The following PTK2 variants were observed in gnomAD, a reference collection of about 807,000 sequenced individuals.
PTK2 encodes the protein protein tyrosine kinase 2.
PTK2 carries 45 observed loss-of-function variants against 150.1 expected under a neutral mutation model. That is an observed-to-expected ratio of 0.30 (90% CI 0.24 to 0.38). The LOEUF (loss-of-function observed/expected upper bound fraction) is 0.38. Among genes scored for constraint, PTK2 ranks in the 10% least tolerant of loss-of-function variants. The probability of loss-of-function intolerance (pLI) is 1.00; values close to 1 mark genes in which losing one functional copy is unlikely to be tolerated. For synonymous variants in PTK2, 432 were observed against 449.2 expected, an observed-to-expected ratio of 0.96 and a Z score of 0.48; for missense variants, 919 against 1,307.3, an observed-to-expected ratio of 0.70 and a Z score of 4.58.
chr8:140,866,264 T>A (rs2100139221), intron 4 of PTK2, among the ~76,000 whole-genome samples: 1 of 152,194 alleles, frequency 6.6e-6, no homozygotes, highest in African/African-American at 2.4e-5. Flanking sequence ...TTATTTATTT[T>A]TTTGGTTGGG....
At chr8:140,964,658 C>T (rs1030989284) in intron 1 of PTK2, among the ~76,000 whole-genome samples, 3 of 151,268 alleles carry the variant, frequency 2.0e-5, no homozygotes, top group African/African-American at 7.3e-5. Flanking sequence ...GGCCTCTCTC[C>T]GCCTCCCAAA....
At chr8:140,679,003 GTTTTTTTTTTTTTTTTT>G (rs533089786) in intron 27 of PTK2, among the ~76,000 whole-genome samples, 37 of 69,004 alleles carry the variant, frequency 5.4e-4, no homozygotes, top group South Asian at 2.2e-3. Flanking sequence ...TGCTCCCCAT[GTTTTTTTTTTTTTTTTT>G]TTTTTTTTTT....
intron 8 of PTK2, among the ~76,000 whole-genome samples, chr8:140,828,057 T>C (rs891878803): frequency 1.3e-5 from 2 of 151,754 alleles, no homozygotes; most frequent in Non-Finnish European, 2.9e-5. Flanking sequence ...GTCCCAGCTA[T>C]TTGGGAGACT....
At chr8:140,674,123 C>T in intron 29 of PTK2, 175 bp downstream of exon 32, 1 of 763,830 alleles carries the variant, frequency 1.3e-6, no homozygotes, top group Non-Finnish European at 2.4e-6. Context: ...TTTTCCCTGA[C>T]TCTCAGAGGG....
At chr8:140,992,657 GTGAA>G (rs774043697) in intron 1 of PTK2, among the ~76,000 whole-genome samples, 15 of 152,324 alleles carry the variant, frequency 9.8e-5, no homozygotes, top group Admixed American at 7.2e-4. Flanking sequence ...CGTGAACAGT[GTGAA>G]TGAGTTACCC....
intron 1 of PTK2, among the ~76,000 whole-genome samples, chr8:140,986,727 C>G (rs907513748): frequency 2.6e-5 from 4 of 152,114 alleles, no homozygotes; most frequent in African/African-American, 9.7e-5. Flanking sequence ...ATGAGGGGTC[C>G]AAACAATCTC....
At chr8:140,860,668 T>C (rs1442699967) in intron 5 of PTK2, among the ~76,000 whole-genome samples, 1 of 152,200 alleles carries the variant, frequency 6.6e-6, no homozygotes, top group Non-Finnish European at 1.5e-5. Context: ...AGACGGAGTT[T>C]TGCCATGTTG....
intron 23 of PTK2, among the ~76,000 whole-genome samples, chr8:140,710,253 C>A (rs1451839359): frequency 6.6e-6 from 1 of 151,220 alleles, no homozygotes. Flanking sequence ...TCACTTAAGC[C>A]CAGGAAGTGG....
chr8:140,924,709 T>C (rs2100168818), intron 2 of PTK2, among the ~76,000 whole-genome samples: 1 of 152,198 alleles, frequency 6.6e-6, no homozygotes, highest in South Asian at 2.1e-4. Flanking sequence ...ATGAAAACTT[T>C]GCTTTCTCAA....
At chr8:140,679,304 C>T (rs1220182468) in intron 27 of PTK2, among the ~76,000 whole-genome samples, 3 of 151,904 alleles carry the variant, frequency 2.0e-5, no homozygotes, top group East Asian at 1.9e-4. Context: ...TGATTACAGG[C>T]GTGAGCCACC....
chr8:140,713,067 C>A (rs2100037682), intron 23 of PTK2, among the ~76,000 whole-genome samples: 1 of 152,218 alleles, frequency 6.6e-6, no homozygotes, highest in Non-Finnish European at 1.5e-5. Flanking sequence ...AGCAGCAGGG[C>A]TAACATGCCC....
At chr8:140,908,132 C>T (rs2100161693) in intron 2 of PTK2, among the ~76,000 whole-genome samples, 1 of 152,176 alleles carries the variant, frequency 6.6e-6, no homozygotes, top group South Asian at 2.1e-4. Flanking sequence ...ACTGAACACA[C>T]AAATGATAAG....
chr8:140,958,101 T>C (rs1587368453), intron 1 of PTK2, among the ~76,000 whole-genome samples: 2 of 152,254 alleles, frequency 1.3e-5, no homozygotes, highest in Middle Eastern at 6.8e-3. Flanking sequence ...GATTTACCAA[T>C]ATCTTCTCCC....
chr8:140,987,541 A>G lies in PTK2; in HGVS notation c.-122+13584T>C, dbSNP rs538182491. ...AGATATGCGGATGGCAAATAACCAT[A>G]TAAGAAGATGCTCAACACTATCAGT... On this transcript the variant is annotated intron_variant, in intron 1 of 31. Transcript: ENST00000522684. Among the ~76,000 whole-genome samples the G allele has an allele frequency of 3.3e-5, 5 of 152,356 alleles. No homozygotes were observed. The South Asian group carries it at 6.2e-4, about 19-fold the overall frequency.
chr8:140,662,820 A>C (rs1341038647), intron 31 of PTK2: 2 of 505,668 alleles, frequency 4.0e-6, no homozygotes, highest in Admixed American at 5.1e-5. Flanking sequence ...TCTCATCAGG[A>C]AGAAACAAAT....
At position 140,734,682 on chromosome 8, in the gene PTK2, T is replaced by C. The variant is rs756103208; in HGVS notation, c.2030+569A>G. 70 of 507,770 alleles carry C rather than the reference T, an allele frequency of 1.4e-4. No homozygotes were observed. The Admixed American group carries it at 1.4e-3, about 10-fold the overall frequency. 31.5% of individuals were successfully genotyped at this position (507,770 alleles called of 1,614,324 possible). A position where few individuals can be genotyped will look rare whatever the true frequency, so the allele number is the denominator to read the frequency against. On this transcript the variant is annotated intron_variant, in intron 22 of 31. Transcript: ENST00000522684. ...GAACAAGCAATGGATGTTTTAAATA[T>C]AAAAACAGAAGTATTCAAAAGGTGG...
At chr8:140,905,424 C>T (rs1601951225) in intron 2 of PTK2, among the ~76,000 whole-genome samples, 1 of 151,786 alleles carries the variant, frequency 6.6e-6, no homozygotes, top group Non-Finnish European at 1.5e-5. Flanking sequence ...TCAAAAAAGA[C>T]AAAGAAGGGC....
At chr8:140,877,161 T>C (rs2154606998) in intron 4 of PTK2, among the ~76,000 whole-genome samples, 1 of 151,054 alleles carries the variant, frequency 6.6e-6, no homozygotes, top group East Asian at 2.0e-4. Flanking sequence ...GCCTCCAATG[T>C]AGCTGGGAGT....
intron 3 of PTK2, 38 bp downstream of exon 3, chr8:140,890,505 A>G (rs2100153857): frequency 6.5e-7 from 1 of 1,536,978 alleles, no homozygotes; most frequent in African/African-American, 1.4e-5. Flanking sequence ...TTTAACCTAA[A>G]TAAACATTAA....
Sources: gnomAD v4.1 joint callset for allele counts (sites outside exome capture counted in the v4.1 genomes callset) on GRCh38, gnomAD v4.1.1 for gene constraint, MANE v1.5 for transcripts, NCBI Gene and HGNC (gene_info 2026-07-23, HGNC 2026-07-21) for gene names.